Variants in BLM observed in about 807,000 individuals in gnomAD.
The protein encoded by BLM is BLM RecQ like helicase, also known as recQ-like DNA helicase BLM.
BLM carries 95 observed loss-of-function variants against 135.3 expected under a neutral mutation model. The ratio of observed to expected loss-of-function variants is 0.70; its 90% CI spans 0.59 to 0.83. BLM has a LOEUF of 0.83. BLM is among the 40% of genes least tolerant of loss of function. The pLI, the probability that BLM is intolerant of heterozygous loss-of-function variation, is 0.00. For missense variants in BLM, 1,518 were observed against 1,663.9 expected, an observed-to-expected ratio of 0.91 and a Z score of 1.53; for synonymous variants, 520 against 589.2, an observed-to-expected ratio of 0.88 and a Z score of 1.70.
Position 90,747,730 on chromosome 15 carries a change from A to C in BLM, c.98+240A>C, listed in dbSNP as rs1158535224. On this transcript the variant is annotated intron_variant, in intron 2 of 21. Coordinates refer to ENST00000355112, the MANE Select transcript of BLM (RefSeq NM_000057.4). ...TTTGCTCAATAAAGATTTGTTGAGTAAATGAATAATTGATCTTGTAAATTT... is the reference window on the plus strand; with the variant it reads ...TTTGCTCAATAAAGATTTGTTGAGTCAATGAATAATTGATCTTGTAAATTT... 3 of 446,598 alleles carry C rather than the reference A, an allele frequency of 6.7e-6. No homozygotes were observed. The Admixed American group carries it at 1.1e-4, about 17-fold the overall frequency. 27.7% of individuals were successfully genotyped at this position (446,598 alleles called of 1,614,324 possible). A position where few individuals can be genotyped will look rare whatever the true frequency, so the allele number is the denominator to read the frequency against.
intron 4 of BLM, among the ~76,000 whole-genome samples, chr15:90,753,495 A>C (rs1895741077): frequency 6.6e-6 from 1 of 152,248 alleles, no homozygotes; most frequent in Non-Finnish European, 1.5e-5. Flanking sequence ...AAATAAATTT[A>C]CCTAGAGTCT....
At chr15:90,787,718 G>A (rs930018787) in intron 14 of BLM, among the ~76,000 whole-genome samples, 3 of 152,166 alleles carry the variant, frequency 2.0e-5, no homozygotes, top group African/African-American at 7.2e-5. Context: ...AGAGGCCGAT[G>A]TGGACGGATC....
intron 10 of BLM, among the ~76,000 whole-genome samples, chr15:90,768,431 T>C (rs531634356): frequency 3.3e-5 from 5 of 152,342 alleles, no homozygotes; most frequent in African/African-American, 1.2e-4. Flanking sequence ...TCGTTGCTAC[T>C]GAGATGTCAT....
Position 90,751,909 on chromosome 15 carries a change from A to G in BLM, c.922A>G (p.Ile308Val), listed in dbSNP as rs1596221274. The G allele has an allele frequency of 6.2e-7, 1 of 1,613,036 alleles. No individual in the cohort carries two copies. ...TTTTGTTCCACCTTCTCCAGAAGAAATTATTTCTGCTTCTTCTTCCTCTTC... is the reference window on the plus strand; with the variant it reads ...TTTTGTTCCACCTTCTCCAGAAGAAGTTATTTCTGCTTCTTCTTCCTCTTC... ...TDFVPPSPEE[I>V]ISASSSSSKC... Residue 308 changes from isoleucine to valine, a missense_variant, in exon 4 of 22, where the codon ATT becomes GTT. Around this residue, in one of 5 missense-constraint regions of BLM, gnomAD observed 724 missense variants for 756.9 expected, o/e 0.96. Transcript: ENST00000355112.
At chr15:90,720,762 C>T (rs554656454) in intron 1 of BLM, among the ~76,000 whole-genome samples, 102 of 151,994 alleles carry the variant, frequency 6.7e-4, no homozygotes, top group African/African-American at 2.3e-3. Context: ...TAGAGATGGG[C>T]TTTTGATTTT....
chr15:90,782,392 A>AAAAC (rs1567051928), intron 12 of BLM, among the ~76,000 whole-genome samples: 47 of 152,036 alleles, frequency 3.1e-4, no homozygotes, highest in South Asian at 2.5e-3. Context: ...TGTCTCAAAA[A>AAAAC]AAAACAAAAC....
intron 17 of BLM, 89 bp from the exon 18 acceptor site, chr15:90,803,432 C>T (rs1433913604): frequency 8.3e-7 from 1 of 1,207,732 alleles, no homozygotes; most frequent in Non-Finnish European, 1.2e-6. Context: ...CTGTCCAAAC[C>T]TGTCCATAAA....
At chr15:90,761,828 G>A (rs1029373372) in intron 7 of BLM, among the ~76,000 whole-genome samples, 2 of 152,140 alleles carry the variant, frequency 1.3e-5, no homozygotes, top group African/African-American at 4.8e-5. Context: ...CAAATACTAA[G>A]TAGTTCCTGC....
intron 1 of BLM, among the ~76,000 whole-genome samples, chr15:90,719,059 T>G (rs1029382847): frequency 6.6e-6 from 1 of 152,146 alleles, no homozygotes; most frequent in Non-Finnish European, 1.5e-5. Context: ...TGGCGCGATC[T>G]TGGCTCACTG....
chr15:90,737,180 T>G (rs1000142009), intron 1 of BLM, among the ~76,000 whole-genome samples: 6 of 118,636 alleles, frequency 5.1e-5, no homozygotes, highest in Non-Finnish European at 7.8e-5. Context: ...TCTTAGTAGG[T>G]TTTTTTTTTT....
At chr15:90,787,412 A>G (rs1378123928) in intron 14 of BLM, among the ~76,000 whole-genome samples, 2 of 152,144 alleles carry the variant, frequency 1.3e-5, no homozygotes, top group African/African-American at 4.8e-5. Flanking sequence ...TCTAAATGAA[A>G]GGATGAATTT....
chr15:90,728,626 G>A (rs370204839), intron 1 of BLM, among the ~76,000 whole-genome samples: 5 of 146,856 alleles, frequency 3.4e-5, no homozygotes, highest in East Asian at 4.2e-4. Flanking sequence ...GGCTGGTCTC[G>A]AACTCCTGAC....
chr15:90,803,802 C>A, intron 18 of BLM, 82 bp downstream of exon 18: 3 of 1,378,682 alleles, frequency 2.2e-6, no homozygotes, highest in Non-Finnish European at 3.1e-6. Context: ...TGTCTTTGTC[C>A]AAGCTTATAG....
At chr15:90,788,280 G>A (rs1896804206) in intron 14 of BLM, among the ~76,000 whole-genome samples, 1 of 152,106 alleles carries the variant, frequency 6.6e-6, no homozygotes, top group Non-Finnish European at 1.5e-5. Context: ...ACTGTCTTCA[G>A]AATTGGAAGA....
chr15:90,767,456 A>T (rs1006502903), intron 10 of BLM, among the ~76,000 whole-genome samples: 1 of 152,222 alleles, frequency 6.6e-6, no homozygotes, highest in Non-Finnish European at 1.5e-5. Context: ...GCTTCTCTGT[A>T]ATCTTGTAAA....
rs760261440 is a variant in BLM at position 90,782,888 on chromosome 15, G to A, written c.2622G>A (p.Val874=). The A allele has an allele frequency of 1.2e-6, 2 of 1,613,842 alleles. No individual in the cohort carries two copies. Among genetic ancestry groups the A allele is most frequent in the Non-Finnish European group, 1.7e-6 (2 of 1,179,758 alleles). Residue 874 remains valine (V), a synonymous_variant, in exon 13 of 22, where the codon GTG becomes GTA. Coordinates refer to ENST00000355112, the MANE Select transcript of BLM (RefSeq NM_000057.4). ...YYVLPKKPKK[V]AFDCLEWIRK... ...TATTACCGAAAAAGCCTAAAAAGGT[G>A]GCATTTGATTGCCTAGAATGGATCA...
intron 8 of BLM, among the ~76,000 whole-genome samples, 197 bp downstream of exon 8, chr15:90,763,354 G>A (rs970942475): frequency 6.6e-6 from 1 of 152,144 alleles, no homozygotes; most frequent in South Asian, 2.1e-4. Flanking sequence ...TTATAGCCCT[G>A]TAAGATTTTC....
intron 16 of BLM, among the ~76,000 whole-genome samples, chr15:90,796,902 C>T (rs1309358357): frequency 6.6e-6 from 1 of 152,098 alleles, no homozygotes; most frequent in African/African-American, 2.4e-5. Context: ...AGCAGATGGG[C>T]ATTCCCAGGG....
At chr15:90,779,974 C>T (rs145728104) in intron 12 of BLM, among the ~76,000 whole-genome samples, 276 of 151,640 alleles carry the variant, frequency 1.8e-3, no homozygotes, top group Non-Finnish European at 3.1e-3. Context: ...GAACAGTGCA[C>T]AGTGGTAAAA....
Sources: allele counts gnomAD v4.1 joint callset (sites outside exome capture counted in the v4.1 genomes callset), GRCh38; gene constraint gnomAD v4.1.1; regional missense constraint gnomAD v4.1.1; transcripts MANE v1.5; gene names NCBI Gene and HGNC (gene_info 2026-07-23, HGNC 2026-07-21).